ADGRG6: variants seen among roughly 807,000 people sequenced by gnomAD.
The protein encoded by ADGRG6 is G-protein coupled receptor 126.
In ADGRG6, 84 loss-of-function variants were observed where a neutral mutation model predicts 142.4. The observed-to-expected ratio is 0.59, with a 90% CI of 0.49 to 0.71. The LOEUF (loss-of-function observed/expected upper bound fraction) is 0.71, where lower values mean the gene tolerates loss of function less well. Among genes scored for constraint, ADGRG6 ranks in the 30% least tolerant of loss-of-function variants. The pLI is 0.00. For synonymous variants in ADGRG6, 521 were observed against 520.5 expected (o/e 1.00, Z -0.01); for missense variants, 1,367 against 1,466.6 (o/e 0.93, Z 1.11).
chr6:142,429,411 G>C (rs1237380682), intron 22 of ADGRG6, among the ~76,000 whole-genome samples: 1 of 68,044 alleles, frequency 1.5e-5, no homozygotes, highest in African/African-American at 7.4e-5. Flanking sequence ...CATCAGCTTG[G>C]CTGAGACATT....
chr6:142,376,062 C>T (rs1781482152), intron 4 of ADGRG6, among the ~76,000 whole-genome samples: 1 of 152,102 alleles, frequency 6.6e-6, no homozygotes, highest in South Asian at 2.1e-4. Flanking sequence ...GTTTATTTAG[C>T]AGTAAATCTG....
chr6:142,397,634 A>G lies in ADGRG6; in HGVS notation c.1446A>G (p.Leu482=). Reference sequence around the variant, plus strand: ...CTAGGTTGGTGCTTTGGGCCCTTCTAGTTTACAATGCTACCAACAATACTA... The same window carrying G: ...CTAGGTTGGTGCTTTGGGCCCTTCTGGTTTACAATGCTACCAACAATACTA... ...DEPRLVLWAL[L]VYNATNNTNL... is the part of the protein sequence containing the mutation. Residue 482 remains leucine (L), a synonymous_variant, in exon 10 of 25, where the codon CTA becomes CTG. Transcript: ENST00000367609. 1 of 1,609,124 alleles carries G rather than the reference A, an allele frequency of 6.2e-7. No individual in the cohort carries two copies. The highest frequency in any genetic ancestry group is 2.2e-5 in the East Asian group (1 of 44,682).
intron 2 of ADGRG6, among the ~76,000 whole-genome samples, chr6:142,346,826 G>A (rs1779923833): frequency 7.4e-6 from 1 of 135,466 alleles, no homozygotes; most frequent in African/African-American, 2.7e-5. Context: ...CTTGAGCAAT[G>A]AGAACACATG....
chr6:142,390,280 C>T lies in ADGRG6; in HGVS notation c.1245C>T (p.Ser415=), dbSNP rs750330446. The part of the protein sequence containing the change: ...QRNDGIIYRI[S]VVIQNILRHP... ...CAGATGGAATTATCTATAGAATATC[C>T]GTAGTGATTCAGAACATCCTTCGTC... The change falls in exon 7 of 25, where the codon TCC becomes TCT. Residue 415 remains serine, a synonymous_variant. Transcript: ENST00000367609. The T allele has an allele frequency of 1.0e-5, 16 of 1,589,382 alleles. No homozygotes were observed. Among genetic ancestry groups the T allele is most frequent in the East Asian group, 4.5e-5 (2 of 44,398 alleles).
At chr6:142,347,097 TTATA>T (rs1779939457) in intron 2 of ADGRG6, among the ~76,000 whole-genome samples, 1 of 152,202 alleles carries the variant, frequency 6.6e-6, no homozygotes, top group South Asian at 2.1e-4. Flanking sequence ...GTTTATTTGT[TTATA>T]TATGTATGGA....
At chr6:142,395,418 G>C (rs1439859429) in intron 9 of ADGRG6, among the ~76,000 whole-genome samples, 1 of 151,268 alleles carries the variant, frequency 6.6e-6, no homozygotes, top group African/African-American at 2.5e-5. Context: ...GGGTTTGGTA[G>C]ATATAGCCAA....
intron 6 of ADGRG6, among the ~76,000 whole-genome samples, chr6:142,388,161 T>A (rs1178200003): frequency 6.6e-6 from 1 of 152,158 alleles, no homozygotes; most frequent in Non-Finnish European, 1.5e-5. Flanking sequence ...GTGGGCATAT[T>A]TTTTTATGTT....
intron 18 of ADGRG6, among the ~76,000 whole-genome samples, chr6:142,414,220 A>G (rs1776241686): frequency 6.6e-6 from 1 of 152,132 alleles, no homozygotes; most frequent in Non-Finnish European, 1.5e-5. Flanking sequence ...AGATTTTTCT[A>G]CCAAGTCCAG....
At chr6:142,355,217 C>T (rs747042728) in intron 2 of ADGRG6, among the ~76,000 whole-genome samples, 1 of 151,172 alleles carries the variant, frequency 6.6e-6, no homozygotes, top group Non-Finnish European at 1.5e-5. Flanking sequence ...TTGAAATTTC[C>T]CTTTCAATTT....
At chr6:142,417,099 G>A (rs185470564) in intron 20 of ADGRG6, 174 bp from the exon 21 acceptor site, 3 of 664,482 alleles carry the variant, frequency 4.5e-6, no homozygotes, top group Middle Eastern at 3.8e-4. Context: ...CCCAAGGAGG[G>A]GATTTTGTTG....
At chr6:142,345,620 T>G (rs572341563) in intron 2 of ADGRG6, among the ~76,000 whole-genome samples, 1 of 152,152 alleles carries the variant, frequency 6.6e-6, no homozygotes, top group Non-Finnish European at 1.5e-5. Flanking sequence ...CCTAACAGCA[T>G]GTAGTGAATA....
At chr6:142,349,048 G>A (rs1780037097) in intron 2 of ADGRG6, among the ~76,000 whole-genome samples, 1 of 152,346 alleles carries the variant, frequency 6.6e-6, no homozygotes, top group East Asian at 1.9e-4. Context: ...TATTAAGTAA[G>A]TGATCCAATC....
intron 22 of ADGRG6, among the ~76,000 whole-genome samples, chr6:142,427,594 T>C (rs1364501007): frequency 6.6e-6 from 1 of 152,198 alleles, no homozygotes; most frequent in Non-Finnish European, 1.5e-5. Context: ...CATATTTGGG[T>C]ATCTTTTCAG....
chr6:142,334,152 G>C (rs923001492), intron 2 of ADGRG6, among the ~76,000 whole-genome samples: 1 of 152,058 alleles, frequency 6.6e-6, no homozygotes, highest in Non-Finnish European at 1.5e-5. Context: ...TGAAATTCTA[G>C]AAATATGATC....
intron 19 of ADGRG6, 24 bp from the exon 20 acceptor site, chr6:142,415,772 T>C (rs532565418): frequency 3.6e-5 from 56 of 1,569,232 alleles, no homozygotes; most frequent in South Asian, 2.1e-4. Flanking sequence ...AGTTCTCTCA[T>C]AGATTCCTTT....
At chr6:142,353,694 A>T (rs1780298238) in intron 2 of ADGRG6, among the ~76,000 whole-genome samples, 1 of 152,072 alleles carries the variant, frequency 6.6e-6, no homozygotes, top group African/African-American at 2.4e-5. Context: ...TCTTTTTTAT[A>T]TTTCTGAAAA....
intron 2 of ADGRG6, among the ~76,000 whole-genome samples, chr6:142,311,945 A>G (rs570592127): frequency 1.3e-5 from 2 of 152,068 alleles, no homozygotes; most frequent in African/African-American, 4.8e-5. Flanking sequence ...TTTTGTAGAC[A>G]CATTGGCCTT....
intron 21 of ADGRG6, among the ~76,000 whole-genome samples, chr6:142,417,693 G>C (rs770311049): frequency 1.3e-5 from 2 of 152,152 alleles, no homozygotes; most frequent in Non-Finnish European, 2.9e-5. Context: ...CTTCAAGAGA[G>C]TTAAATAGCA....
intron 4 of ADGRG6, among the ~76,000 whole-genome samples, chr6:142,380,288 T>C (rs1781708954): frequency 1.3e-5 from 2 of 152,140 alleles, no homozygotes; most frequent in Admixed American, 1.3e-4. Flanking sequence ...TCTTCCATCA[T>C]GGCCTCAACT....
Sources: gnomAD v4.1 joint callset for allele counts (sites outside exome capture counted in the v4.1 genomes callset) on GRCh38, gnomAD v4.1.1 for gene constraint, MANE v1.5 for transcripts, NCBI Gene and HGNC (gene_info 2026-07-23, HGNC 2026-07-21) for gene names.